Variants in KCNB2 observed in about 807,000 individuals in gnomAD.
KCNB2 encodes the protein potassium voltage-gated channel subfamily B member 2.
A neutral mutation model predicts 61.5 loss-of-function variants in KCNB2; 15 were observed. That is an observed-to-expected ratio of 0.24 (90% confidence interval 0.16 to 0.38). The LOEUF is 0.38. Ranked by LOEUF, KCNB2 falls within the 10% of genes least tolerant of loss-of-function variation. The pLI, the probability that KCNB2 is intolerant of heterozygous loss-of-function variation, is 1.00. For missense variants in KCNB2, 828 were observed against 1,125.2 expected, an observed-to-expected ratio of 0.74 and a Z score of 3.78; for synonymous variants, 457 against 446.0, an observed-to-expected ratio of 1.02 and a Z score of -0.31.
chr8:72,602,690 G>T (rs1805373192), intron 2 of KCNB2, among the ~76,000 whole-genome samples: 1 of 152,128 alleles, frequency 6.6e-6, no homozygotes, highest in East Asian at 1.9e-4. Flanking sequence ...TAGCTTGGCA[G>T]TTTTTCAGTT....
intron 2 of KCNB2, among the ~76,000 whole-genome samples, chr8:72,934,050 T>C (rs1296596478): frequency 6.6e-6 from 1 of 151,918 alleles, no homozygotes; most frequent in East Asian, 1.9e-4. Flanking sequence ...TTATAGCAAT[T>C]TAAGGAGGAA....
At chr8:72,793,006 G>T (rs997233741) in intron 2 of KCNB2, among the ~76,000 whole-genome samples, 1 of 152,132 alleles carries the variant, frequency 6.6e-6, no homozygotes, top group Non-Finnish European at 1.5e-5. Flanking sequence ...AAGAATGACG[G>T]TTTGAAACCT....
intron 2 of KCNB2, among the ~76,000 whole-genome samples, chr8:72,822,528 C>G (rs760631814): frequency 1.3e-5 from 2 of 152,170 alleles, no homozygotes; most frequent in Non-Finnish European, 2.9e-5. Flanking sequence ...CTCACTGTCT[C>G]TCCACCTCCA....
At chr8:72,710,269 G>T (rs1161626842) in intron 2 of KCNB2, among the ~76,000 whole-genome samples, 5 of 152,008 alleles carry the variant, frequency 3.3e-5, no homozygotes, top group Non-Finnish European at 7.3e-5. Flanking sequence ...ATGCCATCTG[G>T]GCCCCTTCAA....
At chr8:72,751,059 C>G (rs1212981518) in intron 2 of KCNB2, 17 of 152,184 alleles carry the variant, frequency 1.1e-4, no homozygotes, top group Middle Eastern at 3.4e-3. Context: ...AGGGGTCAGG[C>G]CCTGACTTGA....
chr8:72,839,139 A>G (rs1809833636), intron 2 of KCNB2, among the ~76,000 whole-genome samples: 1 of 152,174 alleles, frequency 6.6e-6, no homozygotes, highest in Non-Finnish European at 1.5e-5. Context: ...TGCTTTTCTC[A>G]TTACCAAACG....
At chr8:72,722,215 A>T (rs1563570904) in intron 2 of KCNB2, among the ~76,000 whole-genome samples, 1 of 151,750 alleles carries the variant, frequency 6.6e-6, no homozygotes, top group Non-Finnish European at 1.5e-5. Context: ...CTCCTCACCA[A>T]CCTTCCTGCA....
chr8:72,729,574 A>G (rs1376887372), intron 2 of KCNB2, among the ~76,000 whole-genome samples: 1 of 152,098 alleles, frequency 6.6e-6, no homozygotes, highest in Non-Finnish European at 1.5e-5. Flanking sequence ...AATGTTCACA[A>G]CTCCATCTCC....
intron 2 of KCNB2, among the ~76,000 whole-genome samples, chr8:72,626,769 C>T (rs1331846105): frequency 6.6e-6 from 1 of 152,192 alleles, no homozygotes; most frequent in Admixed American, 6.5e-5. Flanking sequence ...ATGCATGGCA[C>T]CTCCTGTTAA....
At chr8:72,654,030 T>C (rs937074682) in intron 2 of KCNB2, among the ~76,000 whole-genome samples, 1 of 152,178 alleles carries the variant, frequency 6.6e-6, no homozygotes, top group Non-Finnish European at 1.5e-5. Flanking sequence ...ACTTTTTAGA[T>C]CACAAATTGC....
intron 2 of KCNB2, among the ~76,000 whole-genome samples, chr8:72,821,958 C>T (rs1041887989): frequency 3.3e-5 from 5 of 152,154 alleles, no homozygotes; most frequent in Non-Finnish European, 5.9e-5. Context: ...GATTCCGCCA[C>T]CTCAATATAT....
At chr8:72,797,405 G>A (rs530282080) in intron 2 of KCNB2, among the ~76,000 whole-genome samples, 2 of 152,212 alleles carry the variant, frequency 1.3e-5, no homozygotes, top group South Asian at 4.1e-4. Context: ...ACCTGTTTGT[G>A]TAATAAAAAA....
intron 2 of KCNB2, among the ~76,000 whole-genome samples, chr8:72,737,074 T>A (rs1807859938): frequency 6.6e-6 from 1 of 152,066 alleles, no homozygotes; most frequent in African/African-American, 2.4e-5. Context: ...TTTGTTTGTA[T>A]TATTAGGCAC....
intron 2 of KCNB2, among the ~76,000 whole-genome samples, chr8:72,703,086 T>C (rs149623487): frequency 1.7e-3 from 257 of 152,312 alleles, no homozygotes; most frequent in African/African-American, 5.9e-3. Flanking sequence ...TAAATATCAA[T>C]GAATGCTTAA....
intron 1 of KCNB2, among the ~76,000 whole-genome samples, chr8:72,553,447 T>A (rs925496855): frequency 6.6e-6 from 1 of 152,148 alleles, no homozygotes; most frequent in African/African-American, 2.4e-5. Context: ...TCTTTACTCC[T>A]TTTTCCCTAG....
intron 1 of KCNB2, among the ~76,000 whole-genome samples, chr8:72,561,765 A>ATATATATG (rs1806533269): frequency 3.5e-5 from 1 of 28,414 alleles, no homozygotes; most frequent in Non-Finnish European, 6.3e-5. Context: ...ATATATGGAT[A>ATATATATG]TATATATATA....
chr8:72,613,878 G>C (rs1805577282), intron 2 of KCNB2, among the ~76,000 whole-genome samples: 1 of 152,122 alleles, frequency 6.6e-6, no homozygotes, highest in Admixed American at 6.6e-5. Flanking sequence ...TGAATTTCTT[G>C]AGCTCTTGCA....
At chr8:72,815,026 A>T (rs1002510584) in intron 2 of KCNB2, among the ~76,000 whole-genome samples, 17 of 152,178 alleles carry the variant, frequency 1.1e-4, no homozygotes, top group Non-Finnish European at 1.9e-4. Flanking sequence ...TTGTAAAATG[A>T]TGAGTTAAAG....
intron 2 of KCNB2, among the ~76,000 whole-genome samples, chr8:72,850,396 T>C (rs1810079939): frequency 6.6e-6 from 1 of 152,100 alleles, no homozygotes; most frequent in Non-Finnish European, 1.5e-5. Flanking sequence ...AGTTTTTGTA[T>C]TTTTTGTAGA....
Sources: allele counts gnomAD v4.1 joint callset (sites outside exome capture counted in the v4.1 genomes callset), GRCh38; gene constraint gnomAD v4.1.1; transcripts MANE v1.5; gene names NCBI Gene and HGNC (gene_info 2026-07-23, HGNC 2026-07-21).